ZNF708: variants seen among roughly 807,000 people sequenced by gnomAD.
ZNF708 encodes the protein ZNF15, ZNF15L1.
Under a neutral mutation model 47.0 loss-of-function variants are expected in ZNF708, and 44 were observed. The ratio of observed to expected loss-of-function variants is 0.94; its 90% CI spans 0.74 to 1.20. The LOEUF is 1.20. Among genes scored for constraint, ZNF708 ranks in the 50% most tolerant of loss-of-function variants. The pLI is 0.00. For missense variants in ZNF708, 557 were observed against 656.0 expected (o/e 0.85, Z 1.65); for synonymous variants, 184 against 218.5 (o/e 0.84, Z 1.39).
chr19:21,299,535 G>C (rs1315835452), intron 3 of ZNF708, among the ~76,000 whole-genome samples: 2 of 151,998 alleles, frequency 1.3e-5, no homozygotes, highest in Admixed American at 6.6e-5. Flanking sequence ...TGGGTCACTT[G>C]AAATCAGGAG....
Position 21,329,386 on chromosome 19 carries a change from G to T in ZNF708, c.-174C>A. On this transcript the variant is annotated 5_prime_UTR_variant, in exon 1 of 4. Transcript: ENST00000356929. ...CCGCGCCAAACCCGGAAGCCGCCCT[G>T]TCCGGTCCAGCTGCGTGTCTGAGTG... The T allele has an allele frequency of 2.1e-6, 2 of 970,812 alleles. No individual in the cohort carries two copies. Among genetic ancestry groups the T allele is most frequent in the Non-Finnish European group, 3.1e-6 (2 of 642,456 alleles). The allele number at this position is 970,812 out of a possible 1,614,324, so 60.1% of individuals were successfully genotyped here. A position where few individuals can be genotyped will look rare whatever the true frequency, so the allele number is the denominator to read the frequency against.
intron 1 of ZNF708, among the ~76,000 whole-genome samples, chr19:21,329,003 C>T (rs866890892): frequency 4.1e-4 from 63 of 152,328 alleles, no homozygotes; most frequent in African/African-American, 1.5e-3. Flanking sequence ...AGTCACTGCG[C>T]AGGGAAGAGA....
intron 3 of ZNF708, among the ~76,000 whole-genome samples, chr19:21,300,843 G>A (rs1169346112): frequency 6.6e-6 from 1 of 151,548 alleles, no homozygotes; most frequent in Non-Finnish European, 1.5e-5. Flanking sequence ...TGTATTTTTA[G>A]TAGAAACAAG....
At chr19:21,301,506 C>G (rs932497004) in intron 3 of ZNF708, among the ~76,000 whole-genome samples, 3 of 152,158 alleles carry the variant, frequency 2.0e-5, no homozygotes, top group Admixed American at 1.3e-4. Context: ...ATCCCAGCTA[C>G]TCCGGAGGCT....
At chr19:21,329,092 G>T in intron 1 of ZNF708, 118 bp downstream of exon 1, 1 of 1,465,662 alleles carries the variant, frequency 6.8e-7, no homozygotes, top group Non-Finnish European at 9.5e-7. Context: ...TAGGCAAGGA[G>T]AACTCGGAGC....
At chr19:21,306,266 CA>C (rs1446872986) in intron 3 of ZNF708, among the ~76,000 whole-genome samples, 1 of 151,662 alleles carries the variant, frequency 6.6e-6, no homozygotes, top group Non-Finnish European at 1.5e-5. Flanking sequence ...CACATCAAAA[CA>C]AAAATTCAAT....
intron 1 of ZNF708, among the ~76,000 whole-genome samples, chr19:21,320,915 G>A (rs1198214818): frequency 6.6e-6 from 1 of 151,902 alleles, no homozygotes; most frequent in Non-Finnish European, 1.5e-5. Flanking sequence ...GCCGAGGCGG[G>A]TGGATCACGA....
At chr19:21,296,931 A>G (rs989169707) in intron 3 of ZNF708, among the ~76,000 whole-genome samples, 1 of 151,834 alleles carries the variant, frequency 6.6e-6, no homozygotes, top group African/African-American at 2.4e-5. Flanking sequence ...TCAGGAGTTC[A>G]GGACCAGCCT....
intron 1 of ZNF708, among the ~76,000 whole-genome samples, chr19:21,319,450 G>T (rs1047993922): frequency 3.7e-4 from 55 of 148,074 alleles, no homozygotes; most frequent in South Asian, 2.1e-3. Context: ...CCTAATATGA[G>T]TTTTTTTTTT....
At chr19:21,302,797 A>C (rs1438318789) in intron 3 of ZNF708, among the ~76,000 whole-genome samples, 1 of 152,114 alleles carries the variant, frequency 6.6e-6, no homozygotes, top group Non-Finnish European at 1.5e-5. Flanking sequence ...CGAAAGTATA[A>C]ATAAGGAAAT....
rs1363632440 is a variant in ZNF708 at position 21,293,712 on chromosome 19, T to C, written c.1254A>G (p.Lys418=). The C allele has an allele frequency of 5.0e-6, 8 of 1,613,292 alleles. No homozygotes were observed. In the Admixed American group the frequency reaches 1.0e-4, roughly 20 times the overall value. The part of the protein sequence containing the change: ...TYHKVIHTGK[K]PYKCEECGKA... The stretch of plus-strand genomic sequence containing the variant: ...TACCACATTCTTCACATTTGTAGGG[T>C]TTCTTTCCAGTATGAATTACCTTAT... Residue 418 remains lysine (K), a synonymous_variant, in exon 4 of 4, where the codon AAA becomes AAG. Transcript: ENST00000356929.
intron 1 of ZNF708, among the ~76,000 whole-genome samples, chr19:21,326,368 G>C (rs1599694501): frequency 2.0e-5 from 3 of 152,110 alleles, no homozygotes; most frequent in African/African-American, 4.8e-5. Flanking sequence ...ATATACAATG[G>C]AATACTACAC....
chr19:21,314,332 A>G (rs908229897), intron 1 of ZNF708, among the ~76,000 whole-genome samples: 36 of 152,324 alleles, frequency 2.4e-4, no homozygotes, highest in African/African-American at 8.2e-4. Flanking sequence ...ATATACTAAT[A>G]AGCAATTTAA....
At chr19:21,324,620 G>C (rs1044420903) in intron 1 of ZNF708, among the ~76,000 whole-genome samples, 2 of 151,924 alleles carry the variant, frequency 1.3e-5, no homozygotes, top group Non-Finnish European at 2.9e-5. Flanking sequence ...TGACATAAGA[G>C]AAGAAAATTT....
intron 3 of ZNF708, among the ~76,000 whole-genome samples, chr19:21,308,445 A>G (rs1972831428): frequency 6.6e-6 from 1 of 152,012 alleles, no homozygotes; most frequent in South Asian, 2.1e-4. Context: ...ACACCTGGCT[A>G]ATTTTGTATT....
chr19:21,319,737 A>G (rs1452720905), intron 1 of ZNF708, among the ~76,000 whole-genome samples: 4 of 152,168 alleles, frequency 2.6e-5, no homozygotes, highest in Non-Finnish European at 4.4e-5. Flanking sequence ...AGAAAAATGT[A>G]AAAAAACACC....
At chr19:21,313,789 A>C (rs62107470) in intron 1 of ZNF708, among the ~76,000 whole-genome samples, 31,478 of 150,352 alleles carry the variant, frequency 0.21, 3,432 homozygotes, top group Non-Finnish European at 0.24. Context: ...TGTAGAATAA[A>C]AGCCTAATAC....
intron 3 of ZNF708, among the ~76,000 whole-genome samples, chr19:21,303,578 T>C (rs1027960591): frequency 2.7e-5 from 4 of 150,934 alleles, no homozygotes; most frequent in African/African-American, 9.7e-5. Flanking sequence ...TTAAAATAAA[T>C]GAATAAATAA....
At chr19:21,303,077 G>A (rs1972691141) in intron 3 of ZNF708, among the ~76,000 whole-genome samples, 1 of 151,904 alleles carries the variant, frequency 6.6e-6, no homozygotes, top group African/African-American at 2.4e-5. Context: ...TCAAAACCCT[G>A]TCTCTACAAA....
Sources: allele counts gnomAD v4.1 joint callset (sites outside exome capture counted in the v4.1 genomes callset), GRCh38; gene constraint gnomAD v4.1.1; transcripts MANE v1.5; gene names NCBI Gene and HGNC (gene_info 2026-07-23, HGNC 2026-07-21).